GABRG1: variants seen among roughly 807,000 people sequenced by gnomAD.
GABRG1 encodes the protein gamma-aminobutyric acid receptor subunit gamma-1.
In GABRG1, 49 loss-of-function variants were observed where a neutral mutation model predicts 49.8. That is an observed-to-expected ratio of 0.98 (90% CI 0.78 to 1.25). The LOEUF is 1.25. GABRG1 is among the 50% of genes most tolerant of loss of function. The pLI, the probability that GABRG1 is intolerant of heterozygous loss-of-function variation, is 0.00. For synonymous variants in GABRG1, 232 were observed against 185.1 expected (o/e 1.25, Z -2.06); for missense variants, 552 against 552.3 (o/e 1.00, Z 0.01).
At chr4:46,053,920 C>T (rs1237173301) in intron 7 of GABRG1, among the ~76,000 whole-genome samples, 2 of 151,978 alleles carry the variant, frequency 1.3e-5, no homozygotes, top group Non-Finnish European at 2.9e-5. Flanking sequence ...ATTGAGAAAA[C>T]ATTTTGGATA....
chr4:46,070,716 G>T (rs1051666693), intron 3 of GABRG1, among the ~76,000 whole-genome samples: 7 of 152,188 alleles, frequency 4.6e-5, no homozygotes, highest in African/African-American at 1.4e-4. Flanking sequence ...TGCAAAATGT[G>T]CAGGGAAGAC....
intron 3 of GABRG1, among the ~76,000 whole-genome samples, chr4:46,082,025 A>G (rs1202465051): frequency 1.3e-5 from 2 of 151,840 alleles, no homozygotes; most frequent in Admixed American, 6.6e-5. Flanking sequence ...CCTAGTGAAC[A>G]AATACCAAAG....
intron 1 of GABRG1, among the ~76,000 whole-genome samples, chr4:46,117,188 A>G (rs759276974): frequency 2.1e-4 from 32 of 150,538 alleles, no homozygotes; most frequent in Non-Finnish European, 4.0e-4. Flanking sequence ...TTATAATCAT[A>G]AACTTTCTGA....
chr4:46,063,307 G>GTTT (rs1560355114), intron 5 of GABRG1, among the ~76,000 whole-genome samples: 9 of 150,996 alleles, frequency 6.0e-5, no homozygotes, highest in East Asian at 5.9e-4. Flanking sequence ...CATGGTACTG[G>GTTT]TACCAAAACA....
intron 2 of GABRG1, among the ~76,000 whole-genome samples, chr4:46,095,370 A>T (rs533950688): frequency 1.3e-5 from 2 of 151,898 alleles, no homozygotes; most frequent in Non-Finnish European, 2.9e-5. Context: ...ATACAGAAGT[A>T]AATGCATTTT....
chr4:46,116,124 G>C (rs555118870), intron 1 of GABRG1, among the ~76,000 whole-genome samples: 1 of 150,786 alleles, frequency 6.6e-6, no homozygotes, highest in Non-Finnish European at 1.5e-5. Context: ...GGCTAACTTT[G>C]TTCCTCAAAG....
intron 3 of GABRG1, among the ~76,000 whole-genome samples, chr4:46,073,636 G>T (rs1376279044): frequency 1.3e-5 from 2 of 151,936 alleles, no homozygotes; most frequent in Admixed American, 6.6e-5. Flanking sequence ...ATATACAAAA[G>T]ATCCCCTTTA....
chr4:46,059,507 C>A (rs555308676), intron 5 of GABRG1, among the ~76,000 whole-genome samples: 1 of 152,174 alleles, frequency 6.6e-6, no homozygotes, highest in African/African-American at 2.4e-5. Flanking sequence ...CATGCCTCAG[C>A]CTCCCAAGTA....
At chr4:46,050,519 T>C (rs1402236141) in intron 8 of GABRG1, among the ~76,000 whole-genome samples, 1 of 151,944 alleles carries the variant, frequency 6.6e-6, no homozygotes, top group Non-Finnish European at 1.5e-5. Flanking sequence ...GGCTATTTGA[T>C]ACATTTCTCA....
Position 46,051,474 on chromosome 4 carries a change from G to A in GABRG1, c.1081C>T (p.Gln361Ter). 6.2e-7 allele frequency: 1 copy of A among 1,609,804 alleles called. No homozygotes were observed. The highest frequency in any genetic ancestry group is 8.5e-7 in the Non-Finnish European group (1 of 1,177,874). The change falls in exon 8 of 9, where the codon CAA becomes TAA. Residue 361 changes from glutamine to a stop codon, truncating the protein, a stop_gained. Coordinates refer to ENST00000295452, the MANE Select transcript of GABRG1 (RefSeq NM_173536.4). LOFTEE classifies it high-confidence loss of function. ...YGTLHYFTSN[Q>*]KGKTATKDRK... ...TCTTTAGTAGCAGTCTTTCCTTTTTGGTTGCTGGTAAAATAATGCAAGGTT... is the reference window on the plus strand; with the variant it reads ...TCTTTAGTAGCAGTCTTTCCTTTTTAGTTGCTGGTAAAATAATGCAAGGTT...
chr4:46,102,093 C>T (rs71611964), intron 1 of GABRG1, among the ~76,000 whole-genome samples: 3,957 of 151,670 alleles, frequency 0.026, 118 homozygotes, highest in Admixed American at 0.068. Flanking sequence ...TACCAGATAA[C>T]GCTCTGAAAT....
chr4:46,065,703 C>T, intron 3 of GABRG1, 119 bp from the exon 4 acceptor site: 1 of 598,592 alleles, frequency 1.7e-6, no homozygotes, highest in East Asian at 2.9e-5. Flanking sequence ...TCAGTCTTTT[C>T]GGAGGAAAAA....
At chr4:46,084,470 G>A (rs1457249570) in intron 2 of GABRG1, among the ~76,000 whole-genome samples, 1 of 151,578 alleles carries the variant, frequency 6.6e-6, no homozygotes, top group African/African-American at 2.4e-5. Flanking sequence ...CTGGCAGGCT[G>A]AATATCTATT....
At chr4:46,088,236 G>A (rs548840158) in intron 2 of GABRG1, among the ~76,000 whole-genome samples, 1 of 152,154 alleles carries the variant, frequency 6.6e-6, no homozygotes, top group Admixed American at 6.6e-5. Flanking sequence ...AGTGGATGAA[G>A]TGCTTGAACT....
chr4:46,105,345 A>G (rs560474788), intron 1 of GABRG1, among the ~76,000 whole-genome samples: 18 of 151,488 alleles, frequency 1.2e-4, no homozygotes, highest in Admixed American at 2.6e-4. Context: ...AATGAAGCAA[A>G]CGTCAGTTTG....
At chr4:46,095,120 A>C (rs1309685542) in intron 2 of GABRG1, among the ~76,000 whole-genome samples, 1 of 151,870 alleles carries the variant, frequency 6.6e-6, no homozygotes, top group Non-Finnish European at 1.5e-5. Flanking sequence ...AAAAAATAGA[A>C]GAAAAAGACA....
At chr4:46,123,561 T>C (rs985346258) in intron 1 of GABRG1, among the ~76,000 whole-genome samples, 15 of 152,140 alleles carry the variant, frequency 9.9e-5, no homozygotes, top group African/African-American at 3.4e-4. Context: ...ATTAGTTCAC[T>C]AGTTCACTAG....
rs540085933 is a variant in GABRG1, at chr4:46,046,698, C to A, written c.1131+4726G>T. ...GGCGGTGCCAGGGGGGACCCAAAAA[C>A]TTGCTAATGCATTATTTTCATCCTA... is the stretch of plus-strand genomic sequence containing the variant. On this transcript the variant is annotated intron_variant, in intron 8 of 8. Coordinates refer to ENST00000295452, the MANE Select transcript of GABRG1 (RefSeq NM_173536.4). Among the ~76,000 whole-genome samples, 18 of 152,144 alleles carry A rather than the reference C, an allele frequency of 1.2e-4. 1 individual carries two copies. In the South Asian group the frequency reaches 1.7e-3, roughly 14 times the overall value.
chr4:46,078,315 A>T (rs1032509775), intron 3 of GABRG1, among the ~76,000 whole-genome samples: 11 of 152,032 alleles, frequency 7.2e-5, no homozygotes, highest in African/African-American at 2.7e-4. Context: ...AGCATTTGCC[A>T]TTTCAAAATT....
Sources: gnomAD v4.1 joint callset for allele counts (sites outside exome capture counted in the v4.1 genomes callset) on GRCh38, gnomAD v4.1.1 for gene constraint, MANE v1.5 for transcripts, NCBI Gene and HGNC (gene_info 2026-07-23, HGNC 2026-07-21) for gene names.